Variants in DLG2 observed in about 807,000 individuals in gnomAD.
DLG2 encodes disks large homolog 2.
In DLG2, 45 loss-of-function variants were observed where a neutral mutation model predicts 132.5. The ratio of observed to expected loss-of-function variants is 0.34; its 90% CI spans 0.27 to 0.44. The LOEUF (loss-of-function observed/expected upper bound fraction) is 0.44. Among genes scored for constraint, DLG2 ranks in the 20% least tolerant of loss-of-function variants. DLG2 has a pLI of 1.00. For missense variants in DLG2, 1,045 were observed against 1,196.9 expected (o/e 0.87, Z 1.87); for synonymous variants, 424 against 419.6 (o/e 1.01, Z -0.13).
At chr11:85,305,401 A>G (rs1361130681) in intron 3 of DLG2, among the ~76,000 whole-genome samples, 1 of 152,186 alleles carries the variant, frequency 6.6e-6, no homozygotes, top group Non-Finnish European at 1.5e-5. Flanking sequence ...CACCAACGAA[A>G]CAGTAAACAC....
At chr11:84,168,933 G>C (rs766559449) in intron 8 of DLG2, among the ~76,000 whole-genome samples, 6 of 151,674 alleles carry the variant, frequency 4.0e-5, no homozygotes, top group Admixed American at 6.6e-5. Flanking sequence ...ATCTCTTATA[G>C]TAAATATGTC....
At chr11:85,276,729 A>G (rs2077914851) in intron 4 of DLG2, among the ~76,000 whole-genome samples, 1 of 152,188 alleles carries the variant, frequency 6.6e-6, no homozygotes, top group South Asian at 2.1e-4. Flanking sequence ...ATACTTAACA[A>G]AACAACATAT....
intron 15 of DLG2, among the ~76,000 whole-genome samples, chr11:83,887,798 C>T (rs1430889355): frequency 6.0e-4 from 91 of 150,930 alleles, no homozygotes; most frequent in Non-Finnish European, 6.3e-4. Context: ...GTTCAATATA[C>T]GCAAATCAAT....
chr11:83,781,949 CT>C (rs1423459480), intron 18 of DLG2, among the ~76,000 whole-genome samples: 5 of 152,060 alleles, frequency 3.3e-5, no homozygotes, highest in African/African-American at 1.2e-4. Flanking sequence ...AATCAATTCC[CT>C]TTTTATTCAT....
intron 15 of DLG2, among the ~76,000 whole-genome samples, chr11:83,890,222 T>C (rs989027533): frequency 5.3e-5 from 8 of 152,172 alleles, no homozygotes; most frequent in African/African-American, 1.2e-4. Flanking sequence ...ATTTTAGGCA[T>C]CTAATTCAAA....
At chr11:85,398,045 A>T (rs542473617) in intron 3 of DLG2, among the ~76,000 whole-genome samples, 34 of 152,336 alleles carry the variant, frequency 2.2e-4, no homozygotes, top group African/African-American at 7.5e-4. Context: ...ACTCCTCAGC[A>T]AATGTAAAAG....
intron 8 of DLG2, among the ~76,000 whole-genome samples, chr11:84,180,771 G>A (rs879809622): frequency 2.6e-5 from 4 of 152,006 alleles, no homozygotes; most frequent in African/African-American, 4.8e-5. Context: ...AGAGTGAAGT[G>A]AAATATTGAA....
intron 17 of DLG2, chr11:83,789,936 T>C (rs2041084411): frequency 1.8e-6 from 2 of 1,098,778 alleles, no homozygotes; most frequent in Admixed American, 2.9e-5. Context: ...CTTTTTCTTA[T>C]TCCCAAAGTG....
In DLG2 at chr11:83,965,447, C is replaced by G. The variant is rs1565836007; in HGVS notation, c.1078G>C (p.Glu360Gln). Residue 360 changes from glutamate to glutamine, a missense_variant, in exon 13 of 28, where the codon GAA (glutamate) becomes CAA (glutamine). By Grantham distance (29) the Glu-to-Gln change is conservative (BLOSUM62 2). Coordinates refer to ENST00000376104, the MANE Select transcript of DLG2 (RefSeq NM_001142699.3). ...GCTACTGCCTCTTCGTGTGTTACTT[C>G]TTCTAAACTGTAGTTGTTTACCTGA... ...LLMVNNYSLE[E>Q]VTHEEAVAIL... 1 of 1,609,752 alleles carries G rather than the reference C, an allele frequency of 6.2e-7. No homozygotes were observed. Among genetic ancestry groups the G allele is most frequent in the Non-Finnish European group, 8.5e-7 (1 of 1,177,658 alleles).
intron 7 of DLG2, among the ~76,000 whole-genome samples, chr11:84,503,569 G>A (rs1458021746): frequency 6.6e-6 from 1 of 152,138 alleles, no homozygotes; most frequent in Non-Finnish European, 1.5e-5. Context: ...CATTTTCATA[G>A]GAACAGGTGA....
intron 7 of DLG2, among the ~76,000 whole-genome samples, chr11:84,455,776 G>A (rs2099063696): frequency 6.6e-6 from 1 of 151,310 alleles, no homozygotes; most frequent in African/African-American, 2.4e-5. Flanking sequence ...TCCAAATTAG[G>A]ACTCCACATC....
intron 19 of DLG2, among the ~76,000 whole-genome samples, chr11:83,600,521 C>A (rs922403496): frequency 1.3e-5 from 2 of 152,158 alleles, no homozygotes; most frequent in African/African-American, 2.4e-5. Flanking sequence ...ATCGTAGCTA[C>A]ATACAGTCAA....
At chr11:83,652,726 A>G (rs149386017) in intron 18 of DLG2, among the ~76,000 whole-genome samples, 2 of 152,294 alleles carry the variant, frequency 1.3e-5, no homozygotes, top group African/African-American at 4.8e-5. Context: ...ATGATTCACA[A>G]TTAATGACAC....
chr11:84,319,013 TTTAAAG>T (rs1407517394), intron 7 of DLG2, among the ~76,000 whole-genome samples: 1 of 152,218 alleles, frequency 6.6e-6, no homozygotes, highest in Non-Finnish European at 1.5e-5. Flanking sequence ...AAACTATTCC[TTTAAAG>T]TTAAATTTAG....
intron 4 of DLG2, among the ~76,000 whole-genome samples, chr11:85,184,565 A>G (rs946303504): frequency 6.6e-6 from 1 of 151,866 alleles, no homozygotes; most frequent in Non-Finnish European, 1.5e-5. Context: ...TATAACTGTT[A>G]TTAGAACTGC....
At chr11:84,505,338 T>A (rs1225734279) in intron 7 of DLG2, among the ~76,000 whole-genome samples, 3 of 152,312 alleles carry the variant, frequency 2.0e-5, no homozygotes, top group African/African-American at 7.2e-5. Flanking sequence ...ACATATATTA[T>A]ATGTAACATC....
intron 18 of DLG2, among the ~76,000 whole-genome samples, chr11:83,703,790 C>G (rs75616007): frequency 6.6e-6 from 1 of 152,182 alleles, no homozygotes; most frequent in African/African-American, 2.4e-5. Context: ...ACCTAATACT[C>G]ATCATGACTG....
At chr11:85,100,229 AG>A (rs1398154108) in intron 6 of DLG2, among the ~76,000 whole-genome samples, 7 of 152,136 alleles carry the variant, frequency 4.6e-5, no homozygotes, top group African/African-American at 1.7e-4. Flanking sequence ...GAGGCAACAT[AG>A]ATTTTAAATG....
intron 6 of DLG2, among the ~76,000 whole-genome samples, chr11:84,826,132 A>G (rs1454539152): frequency 6.6e-6 from 1 of 151,886 alleles, no homozygotes; most frequent in Non-Finnish European, 1.5e-5. Context: ...GGCATGCAAC[A>G]TGTAATAATC....
Sources: gnomAD v4.1 joint callset for allele counts (sites outside exome capture counted in the v4.1 genomes callset) on GRCh38, gnomAD v4.1.1 for gene constraint, MANE v1.5 for transcripts, NCBI Gene and HGNC (gene_info 2026-07-23, HGNC 2026-07-21) for gene names.